LRP1B: variants seen among roughly 807,000 people sequenced by gnomAD.
LRP1B encodes low-density lipoprotein receptor-related protein 1B.
In LRP1B, 217 loss-of-function variants were observed where a neutral mutation model predicts 556.6. That is an observed-to-expected ratio of 0.39 (90% CI 0.35 to 0.44). The LOEUF is 0.44. Ranked by LOEUF, LRP1B falls within the 20% of genes least tolerant of loss-of-function variation. LRP1B has a pLI of 1.00. For synonymous variants in LRP1B, 2,047 were observed against 1,865.8 expected, an observed-to-expected ratio of 1.10 and a Z score of -2.50; for missense variants, 5,053 against 5,620.8, an observed-to-expected ratio of 0.90 and a Z score of 3.23.
intron 15 of LRP1B, among the ~76,000 whole-genome samples, chr2:141,002,909 T>G (rs1174443797): frequency 1.3e-5 from 2 of 152,054 alleles, no homozygotes; most frequent in Non-Finnish European, 2.9e-5. Context: ...AAAGTCATAT[T>G]CTTGGTCAGA....
chr2:141,554,507 A>C (rs1464309696), intron 2 of LRP1B, among the ~76,000 whole-genome samples: 2 of 151,726 alleles, frequency 1.3e-5, no homozygotes, highest in Non-Finnish European at 2.9e-5. Context: ...AGGATTAGAG[A>C]GTACATTTTT....
intron 31 of LRP1B, among the ~76,000 whole-genome samples, chr2:140,828,253 T>C (rs1023142537): frequency 4.6e-5 from 7 of 152,186 alleles, no homozygotes; most frequent in African/African-American, 1.7e-4. Context: ...AAAATGGCAG[T>C]AGTAAGTCCT....
At chr2:141,747,000 T>C (rs1197198315) in intron 2 of LRP1B, among the ~76,000 whole-genome samples, 1 of 151,984 alleles carries the variant, frequency 6.6e-6, no homozygotes, top group Non-Finnish European at 1.5e-5. Context: ...AAAAAAAATC[T>C]GAAAAGCCAA....
At chr2:142,002,810 A>C (rs887880126) in intron 1 of LRP1B, among the ~76,000 whole-genome samples, 1 of 152,044 alleles carries the variant, frequency 6.6e-6, no homozygotes, top group African/African-American at 2.4e-5. Context: ...AAGAAGAGAG[A>C]TGTAGTGGGT....
At chr2:140,340,035 G>A (rs1226129159) in intron 77 of LRP1B, among the ~76,000 whole-genome samples, 1 of 151,218 alleles carries the variant, frequency 6.6e-6, no homozygotes, top group African/African-American at 2.4e-5. Context: ...GACCAAATTT[G>A]TCTTTGAATT....
At chr2:140,287,249 G>A (rs117301668) in intron 84 of LRP1B, among the ~76,000 whole-genome samples, 2 of 151,684 alleles carry the variant, frequency 1.3e-5, no homozygotes, top group African/African-American at 2.4e-5. Context: ...GATCAAAAAG[G>A]TCAGAACCTA....
intron 21 of LRP1B, among the ~76,000 whole-genome samples, chr2:140,918,599 T>C (rs1163422578): frequency 6.6e-6 from 1 of 152,104 alleles, no homozygotes; most frequent in Non-Finnish European, 1.5e-5. Context: ...ATCAATCAAC[T>C]GATGTCGAAA....
intron 1 of LRP1B, among the ~76,000 whole-genome samples, chr2:141,881,861 G>A (rs1028175332): frequency 6.6e-6 from 1 of 152,022 alleles, no homozygotes; most frequent in East Asian, 1.9e-4. Flanking sequence ...AATATCAAAA[G>A]GTTAATGTAA....
Position 141,467,095 on chromosome 2 carries a change from T to C in LRP1B, c.343+13301A>G, listed in dbSNP as rs1276241009. ...ATATATATACACACACACACACATA[T>C]ATATGTGTATATATATATATATATA... On this transcript the variant is annotated intron_variant, in intron 3 of 90. Transcript: ENST00000389484. Among the ~76,000 whole-genome samples, 8 of 4,062 alleles carry C rather than the reference T, an allele frequency of 2.0e-3. No homozygotes were observed. The East Asian group carries it at 0.12, about 63-fold the overall frequency. 2.7% of individuals were successfully genotyped at this position (4,062 alleles called of 152,430 possible). A position where few individuals can be genotyped will look rare whatever the true frequency, so the allele number is the denominator to read the frequency against.
chr2:140,476,597 G>A (rs1687984660), intron 59 of LRP1B, among the ~76,000 whole-genome samples: 1 of 151,824 alleles, frequency 6.6e-6, no homozygotes, highest in Admixed American at 6.6e-5. Flanking sequence ...TCATTGTAAA[G>A]AACACACACC....
rs188400679 is a variant in LRP1B at position 141,115,742 on chromosome 2, A to T, written c.1014-53469T>A. 5.6e-4 allele frequency among the ~76,000 whole-genome samples: 85 copies of T among 151,976 alleles called. 1 individual carries two copies. The highest frequency in any genetic ancestry group is 1.8e-3 in the African/African-American group (73 of 41,448). On this transcript the variant is annotated intron_variant, in intron 7 of 90. Transcript: ENST00000389484. Reference sequence around the variant, plus strand: ...CATGATCCGCCCCTCTCGGACTCCCAAAGTGCTGGAATTACAGGCGTGAGC... The same window carrying T: ...CATGATCCGCCCCTCTCGGACTCCCTAAGTGCTGGAATTACAGGCGTGAGC...
chr2:141,457,183 A>T (rs1413853114), intron 3 of LRP1B, among the ~76,000 whole-genome samples: 1 of 152,214 alleles, frequency 6.6e-6, no homozygotes, highest in Non-Finnish European at 1.5e-5. Flanking sequence ...ACTTGGTGAC[A>T]TGTTTTGGGT....
chr2:140,672,258 C>T lies in LRP1B; in HGVS notation c.6799+27992G>A, dbSNP rs565194642. On this transcript the variant is annotated intron_variant, in intron 41 of 90. Transcript: ENST00000389484. ...ATCCCAGCACTTTGGGAGGCCAAGG[C>T]GGCGGGTCACAAGGTCAGGAGTTGA... Among the ~76,000 whole-genome samples, 5 of 152,092 alleles carry T rather than the reference C, an allele frequency of 3.3e-5. No homozygotes were observed. The South Asian group carries it at 6.2e-4, about 19-fold the overall frequency.
At chr2:140,464,335 C>G (rs1368553746) in intron 60 of LRP1B, among the ~76,000 whole-genome samples, 3 of 152,100 alleles carry the variant, frequency 2.0e-5, no homozygotes, top group Non-Finnish European at 4.4e-5. Flanking sequence ...CCTCCACATT[C>G]TCATTTCAAA....
chr2:142,123,292 C>G (rs1353407577), intron 1 of LRP1B, among the ~76,000 whole-genome samples: 3 of 151,894 alleles, frequency 2.0e-5, no homozygotes, highest in African/African-American at 7.2e-5. Context: ...AAGAAAAACT[C>G]AGCGGTAGAA....
intron 66 of LRP1B, among the ~76,000 whole-genome samples, chr2:140,411,298 TTTTAA>T (rs1252622777): frequency 2.6e-5 from 4 of 152,188 alleles, no homozygotes; most frequent in African/African-American, 9.6e-5. Flanking sequence ...ATATTGAATA[TTTTAA>T]TTATGTATGC....
chr2:140,820,277 G>T (rs569538012), intron 31 of LRP1B, among the ~76,000 whole-genome samples: 1 of 152,126 alleles, frequency 6.6e-6, no homozygotes. Context: ...ACCACACCTG[G>T]CCTACATTAA....
intron 77 of LRP1B, among the ~76,000 whole-genome samples, chr2:140,336,683 TTATC>T (rs1681121083): frequency 6.6e-6 from 1 of 151,938 alleles, no homozygotes. Flanking sequence ...TATCTGTTAT[TTATC>T]TTACATTTGA....
chr2:141,905,865 G>A (rs1276180627), intron 1 of LRP1B, among the ~76,000 whole-genome samples: 1 of 150,372 alleles, frequency 6.7e-6, no homozygotes. Flanking sequence ...GTGTCTCTGT[G>A]TATATACATC....
Sources: allele counts gnomAD v4.1 joint callset (sites outside exome capture counted in the v4.1 genomes callset), GRCh38; gene constraint gnomAD v4.1.1; transcripts MANE v1.5; gene names NCBI Gene and HGNC (gene_info 2026-07-23, HGNC 2026-07-21).